The following CDK14 variants were observed in gnomAD, a reference collection of about 807,000 sequenced individuals.
The protein encoded by CDK14 is cyclin dependent kinase 14, also known as cyclin-dependent kinase 14.
Under a neutral mutation model 60.7 loss-of-function variants are expected in CDK14, and 34 were observed. The ratio of observed to expected loss-of-function variants is 0.56; its 90% CI spans 0.43 to 0.75. CDK14 has a LOEUF of 0.75. CDK14 is among the 30% of genes least tolerant of loss of function. CDK14 has a pLI of 0.00. For missense variants in CDK14, 482 were observed against 564.1 expected, an observed-to-expected ratio of 0.85 and a Z score of 1.47; for synonymous variants, 197 against 203.7, an observed-to-expected ratio of 0.97 and a Z score of 0.28.
At chr7:91,131,817 A>G (rs1800126978) in intron 14 of CDK14, among the ~76,000 whole-genome samples, 1 of 152,120 alleles carries the variant, frequency 6.6e-6, no homozygotes, top group Non-Finnish European at 1.5e-5. Flanking sequence ...TCCCCACTGG[A>G]ATCTAAATAT....
At chr7:90,812,160 A>T (rs180803089) in intron 5 of CDK14, among the ~76,000 whole-genome samples, 1 of 152,252 alleles carries the variant, frequency 6.6e-6, no homozygotes, top group Admixed American at 6.5e-5. Context: ...ATAAAGACAC[A>T]TGCCCATGTA....
intron 14 of CDK14, among the ~76,000 whole-genome samples, chr7:91,181,591 T>C (rs1416649180): frequency 1.3e-5 from 2 of 152,180 alleles, no homozygotes; most frequent in Non-Finnish European, 2.9e-5. Context: ...CTTCCCCTTA[T>C]TATGTTATTT....
chr7:90,819,450 C>T (rs1789467168), intron 5 of CDK14, among the ~76,000 whole-genome samples: 1 of 151,182 alleles, frequency 6.6e-6, no homozygotes, highest in African/African-American at 2.4e-5. Flanking sequence ...CTCATGTTTA[C>T]TAACTGCAAT....
chr7:90,936,939 C>T (rs184062591), intron 8 of CDK14, among the ~76,000 whole-genome samples: 19 of 151,806 alleles, frequency 1.3e-4, no homozygotes, highest in Non-Finnish European at 1.8e-4. Context: ...ATTAGATGGG[C>T]GTGGTGGTGC....
chr7:90,842,821 AT>A (rs1790341439), intron 5 of CDK14, among the ~76,000 whole-genome samples: 1 of 152,164 alleles, frequency 6.6e-6, no homozygotes, highest in Admixed American at 6.6e-5. Flanking sequence ...AATTTGTAAA[AT>A]TTATTAATCC....
intron 6 of CDK14, among the ~76,000 whole-genome samples, chr7:90,877,144 C>A (rs1398167017): frequency 3.3e-5 from 5 of 152,080 alleles, no homozygotes; most frequent in Admixed American, 1.3e-4. Flanking sequence ...CAATGAGAAC[C>A]TTTTTACAGT....
At chr7:90,607,467 G>C (rs552379222) in intron 2 of CDK14, among the ~76,000 whole-genome samples, 1 of 152,288 alleles carries the variant, frequency 6.6e-6, no homozygotes, top group Admixed American at 6.5e-5. Context: ...TGCCTCTAGA[G>C]TATGTGTCAA....
chr7:90,745,636 G>A (rs533989365), intron 3 of CDK14, among the ~76,000 whole-genome samples: 2 of 152,050 alleles, frequency 1.3e-5, no homozygotes, highest in African/African-American at 4.8e-5. Flanking sequence ...GGATGGTCTC[G>A]ATCTCTTGAC....
intron 2 of CDK14, among the ~76,000 whole-genome samples, chr7:90,722,104 C>T (rs1028576129): frequency 1.1e-4 from 16 of 151,588 alleles, no homozygotes; most frequent in Non-Finnish European, 2.4e-4. Context: ...CTCCCCTTTT[C>T]TCCCCTCTTA....
At chr7:90,833,575 T>C (rs1363646249) in intron 5 of CDK14, among the ~76,000 whole-genome samples, 1 of 152,216 alleles carries the variant, frequency 6.6e-6, no homozygotes, top group Non-Finnish European at 1.5e-5. Flanking sequence ...GTTGGTTTTC[T>C]GTTTGTGTGT....
intron 5 of CDK14, among the ~76,000 whole-genome samples, chr7:90,791,897 G>T (rs1014777416): frequency 1.2e-4 from 14 of 116,326 alleles, no homozygotes; most frequent in Admixed American, 1.2e-4. Flanking sequence ...GGACAGGAAA[G>T]GGCTTCTTTT....
At chr7:90,831,580 C>T (rs544752305) in intron 5 of CDK14, among the ~76,000 whole-genome samples, 1 of 152,172 alleles carries the variant, frequency 6.6e-6, no homozygotes, top group Non-Finnish European at 1.5e-5. Flanking sequence ...TCCATCAGTA[C>T]ATTTAGTGGC....
chr7:91,034,613 T>C (rs897445692), intron 10 of CDK14, among the ~76,000 whole-genome samples: 5 of 152,172 alleles, frequency 3.3e-5, no homozygotes, highest in African/African-American at 1.2e-4. Context: ...TGATTAAATA[T>C]TGAAGCTGCT....
intron 12 of CDK14, among the ~76,000 whole-genome samples, chr7:91,093,408 G>C (rs1798889671): frequency 6.6e-6 from 1 of 152,134 alleles, no homozygotes; most frequent in African/African-American, 2.4e-5. Flanking sequence ...TGGACATTTA[G>C]AAAAAGGACA....
Position 90,964,879 on chromosome 7 carries a change from G to A in CDK14, c.947+9062G>A, listed in dbSNP as rs183241365. On this transcript the variant is annotated intron_variant, in intron 9 of 14. Transcript: ENST00000380050. ...AGTATTTATGATGATATATTTTCTT[G>A]TATAACCTTTTGCTTTTCCTGGACT... 1.2e-3 allele frequency among the ~76,000 whole-genome samples: 189 copies of A among 152,180 alleles called. 1 individual carries two copies. Among genetic ancestry groups the A allele is most frequent in the Non-Finnish European group, 2.5e-3 (168 of 68,000 alleles).
chr7:91,095,470 A>T (rs770771604), intron 12 of CDK14, among the ~76,000 whole-genome samples: 2 of 152,222 alleles, frequency 1.3e-5, no homozygotes, highest in African/African-American at 4.8e-5. Flanking sequence ...TACCAATTTC[A>T]CTTGTTAGTA....
intron 12 of CDK14, among the ~76,000 whole-genome samples, chr7:91,101,584 A>AT (rs1369817149): frequency 1.3e-5 from 2 of 151,948 alleles, no homozygotes; most frequent in Non-Finnish European, 2.9e-5. Context: ...GAATCTCATT[A>AT]TTTTTTTTAC....
chr7:91,100,144 G>A (rs369499009), intron 12 of CDK14, among the ~76,000 whole-genome samples: 30 of 152,094 alleles, frequency 2.0e-4, no homozygotes, highest in African/African-American at 7.2e-4. Flanking sequence ...ATGACTGACA[G>A]GTTTGTACTA....
At chr7:90,890,738 A>T (rs1333931334) in intron 6 of CDK14, among the ~76,000 whole-genome samples, 1 of 152,242 alleles carries the variant, frequency 6.6e-6, no homozygotes, top group Non-Finnish European at 1.5e-5. Context: ...ATGTAGGCTG[A>T]ATAAAACAGA....
Sources: gnomAD v4.1 joint callset for allele counts (sites outside exome capture counted in the v4.1 genomes callset) on GRCh38, gnomAD v4.1.1 for gene constraint, MANE v1.5 for transcripts, NCBI Gene and HGNC (gene_info 2026-07-23, HGNC 2026-07-21) for gene names.